The following DCAF17 variants were observed in gnomAD, a reference collection of about 807,000 sequenced individuals.
DCAF17 encodes the protein DDB1- and CUL4-associated factor 17.
Under a neutral mutation model 66.0 loss-of-function variants are expected in DCAF17, and 48 were observed. That is an observed-to-expected ratio of 0.73 (90% confidence interval 0.58 to 0.92). DCAF17 has a LOEUF of 0.92. Ranked by LOEUF, DCAF17 falls within the 40% of genes least tolerant of loss-of-function variation. DCAF17 has a pLI of 0.00. For synonymous variants in DCAF17, 206 were observed against 214.6 expected (o/e 0.96, Z 0.35); for missense variants, 562 against 622.8 (o/e 0.90, Z 1.04).
chr2:171,458,191 A>G, intron 7 of DCAF17, 116 bp downstream of exon 7: 2 of 1,121,948 alleles, frequency 1.8e-6, no homozygotes, highest in African/African-American at 3.1e-5. Flanking sequence ...TTTTGGCTCT[A>G]AAAAACTGTA....
At chr2:171,456,120 A>G in intron 6 of DCAF17, among the ~76,000 whole-genome samples, 1 of 152,076 alleles carries the variant, frequency 6.6e-6, no homozygotes. Flanking sequence ...TGCCTAGGTT[A>G]TCTTCCAGGG....
intron 6 of DCAF17, among the ~76,000 whole-genome samples, chr2:171,457,232 T>TA (rs1225532016): frequency 6.6e-6 from 1 of 152,242 alleles, no homozygotes; most frequent in Non-Finnish European, 1.5e-5. Context: ...GTTAAGTACT[T>TA]ATGTTTGCTT....
chr2:171,447,977 G>C (rs1353617338), intron 3 of DCAF17, among the ~76,000 whole-genome samples: 2 of 152,132 alleles, frequency 1.3e-5, no homozygotes, highest in Non-Finnish European at 2.9e-5. Context: ...CTGTACTTTG[G>C]CTGTCTTCAT....
chr2:171,454,547 G>A lies in DCAF17; in HGVS notation c.627+1334G>A, dbSNP rs916454283. ...GATCTGCTCACCTCAGCCTCCCAAA[G>A]TGCTGGGATTACAGGCATAAGCCAC... On this transcript the variant is annotated intron_variant, in intron 6 of 13. Transcript: ENST00000375255. Among the ~76,000 whole-genome samples the A allele has an allele frequency of 2.0e-5, 3 of 152,026 alleles. No individual in the cohort carries two copies. The East Asian group carries it at 5.8e-4, about 29-fold the overall frequency.
At chr2:171,438,174 C>T (rs1029731423) in intron 2 of DCAF17, among the ~76,000 whole-genome samples, 9 of 152,136 alleles carry the variant, frequency 5.9e-5, no homozygotes, top group Non-Finnish European at 1.0e-4. Flanking sequence ...TTCCAGTTAT[C>T]ATTGTTTTAT....
At chr2:171,480,543 C>G (rs1696694884) in intron 13 of DCAF17, among the ~76,000 whole-genome samples, 1 of 152,142 alleles carries the variant, frequency 6.6e-6, no homozygotes, top group Non-Finnish European at 1.5e-5. Context: ...GAGACCATAT[C>G]TAAGCATGCG....
chr2:171,461,521 AC>A (rs529218349), intron 8 of DCAF17, among the ~76,000 whole-genome samples: 9 of 152,356 alleles, frequency 5.9e-5, no homozygotes, highest in African/African-American at 2.2e-4. Flanking sequence ...TAGTCCTCTT[AC>A]ATGGGGTTAA....
intron 8 of DCAF17, among the ~76,000 whole-genome samples, chr2:171,464,367 C>T (rs1695766740): frequency 6.6e-6 from 1 of 152,176 alleles, no homozygotes; most frequent in African/African-American, 2.4e-5. Context: ...TACCCCTTCT[C>T]GCTTCTGGTG....
intron 3 of DCAF17, chr2:171,447,382 T>G (rs922690942): frequency 1.6e-5 from 6 of 369,980 alleles, no homozygotes; most frequent in Non-Finnish European, 2.7e-5. Flanking sequence ...TTTTCTTTTT[T>G]GAGATGGAGT....
At chr2:171,458,139 T>TG in intron 7 of DCAF17, 64 bp downstream of exon 7, 2 of 1,460,134 alleles carry the variant, frequency 1.4e-6, no homozygotes, top group Non-Finnish European at 1.9e-6. Flanking sequence ...GTATGATTTT[T>TG]TTTTTTAGTG....
chr2:171,468,142 T>C (rs1376211325), intron 8 of DCAF17, among the ~76,000 whole-genome samples: 2 of 152,136 alleles, frequency 1.3e-5, no homozygotes, highest in Non-Finnish European at 2.9e-5. Flanking sequence ...TATTATGCCC[T>C]ACTTAAAGTT....
rs371230892 is a variant in DCAF17 at position 171,453,167 on chromosome 2, G to T, written c.581G>T (p.Arg194Leu). 3.1e-6 allele frequency: 5 copies of T among 1,613,208 alleles called. No individual in the cohort carries two copies. The Admixed American group carries it at 8.3e-5, about 27-fold the overall frequency. The change falls in exon 6 of 14, where the codon CGA becomes CTA. Residue 194 changes from arginine (R) to leucine (L), a missense_variant. By Grantham distance (102) the Arg-to-Leu change is moderately radical. Coordinates refer to ENST00000375255, the MANE Select transcript of DCAF17 (RefSeq NM_025000.4). ...QHVLLYLAVFRVLPFSLVGIL... is the reference protein window; with the variant it reads ...QHVLLYLAVFLVLPFSLVGIL... ...GTTTTGCTGTACCTTGCAGTGTTCC[G>T]AGTTCTACCTTTTTCACTTGTAGGG...
intron 3 of DCAF17, among the ~76,000 whole-genome samples, chr2:171,446,011 A>G (rs910459034): frequency 6.6e-6 from 1 of 152,154 alleles, no homozygotes; most frequent in East Asian, 1.9e-4. Context: ...ATGAAACAAC[A>G]TTTAGATAAG....
chr2:171,443,783 C>A (rs1344202483), intron 3 of DCAF17, among the ~76,000 whole-genome samples, 170 bp downstream of exon 3: 1 of 151,984 alleles, frequency 6.6e-6, no homozygotes, highest in Non-Finnish European at 1.5e-5. Flanking sequence ...GAAATAATTT[C>A]TGTATTAAAA....
rs952319928 is a variant in DCAF17 at position 171,458,365 on chromosome 2, T to C, written c.733-7T>C. ...AAGCCACCATTTTTGTTTTGTTTTGTTTTTAGTTCATGCAACAGAAACTTG... is the reference window on the plus strand; with the variant it reads ...AAGCCACCATTTTTGTTTTGTTTTGCTTTTAGTTCATGCAACAGAAACTTG... On this transcript the variant is annotated splice_region_variant and splice_polypyrimidine_tract_variant and intron_variant, in intron 7 of 13. Coordinates refer to ENST00000375255, the MANE Select transcript of DCAF17 (RefSeq NM_025000.4). 2 of 1,613,296 alleles carry C rather than the reference T, an allele frequency of 1.2e-6. No individual in the cohort carries two copies. The highest frequency in any genetic ancestry group is 1.7e-6 in the Non-Finnish European group (2 of 1,179,258).
chr2:171,467,741 A>G (rs573689440), intron 8 of DCAF17, among the ~76,000 whole-genome samples: 5 of 150,578 alleles, frequency 3.3e-5, no homozygotes, highest in Admixed American at 1.3e-4. Flanking sequence ...AAAAAAAAAA[A>G]AAAAAAAAAA....
At chr2:171,455,456 G>T (rs1695205390) in intron 6 of DCAF17, among the ~76,000 whole-genome samples, 2 of 152,188 alleles carry the variant, frequency 1.3e-5, no homozygotes, top group South Asian at 4.1e-4. Flanking sequence ...GAACAGTGCT[G>T]CAGTGAACGT....
At chr2:171,478,527 TA>T (rs1234954438) in intron 12 of DCAF17, among the ~76,000 whole-genome samples, 4 of 152,208 alleles carry the variant, frequency 2.6e-5, no homozygotes, top group African/African-American at 9.7e-5. Flanking sequence ...GTTCAGCTCT[TA>T]TCTTCAAGTT....
Position 171,483,962 on chromosome 2 carries a change from T to C in DCAF17, c.*2848T>C. The C allele has an allele frequency of 4.4e-6, 2 of 454,070 alleles. No individual in the cohort carries two copies. Among genetic ancestry groups the C allele is most frequent in the Non-Finnish European group, 8.8e-6 (2 of 226,788 alleles). 28.1% of individuals were successfully genotyped at this position (454,070 alleles called of 1,614,324 possible). ...TCCCAATTTAGCATACCAACAACTATAATACTAGATATGTAGGAAAGTGCT... is the reference window on the plus strand; with the variant it reads ...TCCCAATTTAGCATACCAACAACTACAATACTAGATATGTAGGAAAGTGCT... On this transcript the variant is annotated 3_prime_UTR_variant, in exon 14 of 14. Coordinates refer to ENST00000375255, the MANE Select transcript of DCAF17 (RefSeq NM_025000.4).
Sources: allele counts gnomAD v4.1 joint callset (sites outside exome capture counted in the v4.1 genomes callset), GRCh38; gene constraint gnomAD v4.1.1; transcripts MANE v1.5; gene names NCBI Gene and HGNC (gene_info 2026-07-23, HGNC 2026-07-21).